The following HYDIN variants were observed in gnomAD, a reference collection of about 807,000 sequenced individuals.
HYDIN encodes the protein axonemal central pair apparatus protein HYDIN.
In HYDIN, 132 loss-of-function variants were observed where a neutral mutation model predicts 403.9. That is an observed-to-expected ratio of 0.33 (90% CI 0.28 to 0.38). The LOEUF (loss-of-function observed/expected upper bound fraction) is 0.38. Among genes scored for constraint, HYDIN ranks in the 10% least tolerant of loss-of-function variants. The pLI is 1.00. For missense variants in HYDIN, 2,827 were observed against 5,009.5 expected (o/e 0.56, Z 13.15); for synonymous variants, 1,202 against 1,891.7 (o/e 0.64, Z 9.46).
chr16:70,820,742 G>T, intron 83 of HYDIN, among the ~76,000 whole-genome samples: 1 of 151,170 alleles, frequency 6.6e-6, no homozygotes, highest in Non-Finnish European at 1.5e-5. Context: ...TCCACCTCCT[G>T]GGTTCAAGTG....
chr16:71,038,033 T>C (rs1402476497), intron 18 of HYDIN, among the ~76,000 whole-genome samples: 1 of 152,220 alleles, frequency 6.6e-6, no homozygotes, highest in Non-Finnish European at 1.5e-5. Flanking sequence ...TCCATGAAAA[T>C]GTCAGCCATA....
chr16:71,225,339 A>G (rs1318234389), intron 1 of HYDIN, among the ~76,000 whole-genome samples: 3 of 152,196 alleles, frequency 2.0e-5, no homozygotes, highest in Non-Finnish European at 4.4e-5. Context: ...AAAAGAAACT[A>G]GCCCTGGCCC....
chr16:71,230,479 AC>A, intron 1 of HYDIN, 82 bp downstream of exon 1: 1 of 1,433,602 alleles, frequency 7.0e-7, no homozygotes, highest in Non-Finnish European at 9.2e-7. Flanking sequence ...CAGGGCGAGG[AC>A]GAGGACGAAA....
chr16:70,889,835 C>T (rs77096391), intron 57 of HYDIN, 131 bp from the exon 58 acceptor site: 38,029 of 688,900 alleles, frequency 0.055, 1,299 homozygotes, highest in Non-Finnish European at 0.07. Context: ...CCCAAGAGGA[C>T]ACTGGAGTGG....
intron 1 of HYDIN, among the ~76,000 whole-genome samples, chr16:71,191,437 T>A (rs555763721): frequency 2.3e-4 from 35 of 152,266 alleles, no homozygotes; most frequent in Non-Finnish European, 4.3e-4. Context: ...GTAACAAACC[T>A]GTGTATCCTG....
At chr16:71,038,611 G>A (rs2081177851) in intron 18 of HYDIN, among the ~76,000 whole-genome samples, 2 of 152,102 alleles carry the variant, frequency 1.3e-5, no homozygotes. Context: ...CAGATGACCG[G>A]CACTATGTGG....
intron 53 of HYDIN, among the ~76,000 whole-genome samples, chr16:70,897,546 T>C (rs991468279): frequency 6.7e-6 from 1 of 149,080 alleles, no homozygotes; most frequent in African/African-American, 2.6e-5. Flanking sequence ...TGACAGGATG[T>C]GTGTAGTGCC....
intron 10 of HYDIN, among the ~76,000 whole-genome samples, chr16:71,097,587 T>C (rs2083311064): frequency 6.8e-6 from 1 of 147,822 alleles, no homozygotes; most frequent in South Asian, 2.2e-4. Flanking sequence ...GTGACAGCTA[T>C]AGCCATACTG....
chr16:71,004,118 C>A (rs955498905), intron 23 of HYDIN, among the ~76,000 whole-genome samples: 4 of 151,678 alleles, frequency 2.6e-5, no homozygotes, highest in Non-Finnish European at 5.9e-5. Flanking sequence ...AGTTCAGGAC[C>A]AGCCTGACCA....
intron 83 of HYDIN, among the ~76,000 whole-genome samples, chr16:70,820,191 T>C (rs896937074): frequency 6.3e-5 from 8 of 126,584 alleles, no homozygotes; most frequent in East Asian, 4.5e-4. Flanking sequence ...TTTTTTCTTT[T>C]TTTTTTTTTT....
chr16:70,955,737 G>C (rs1733971092), intron 39 of HYDIN, among the ~76,000 whole-genome samples, 189 bp from the exon 40 acceptor site: 1 of 152,162 alleles, frequency 6.6e-6, no homozygotes, highest in Admixed American at 6.5e-5. Flanking sequence ...CTGTGGGTCT[G>C]ATTCTAACCC....
intron 12 of HYDIN, among the ~76,000 whole-genome samples, chr16:71,083,143 GT>G (rs1335111722): frequency 1.4e-5 from 2 of 140,294 alleles, no homozygotes; most frequent in Non-Finnish European, 3.1e-5. Context: ...TGTTTTCAAG[GT>G]TCATAATGGA....
At chr16:71,020,435 T>G (rs1308123219) in intron 21 of HYDIN, 118 bp from the exon 22 acceptor site, 2 of 1,335,914 alleles carry the variant, frequency 1.5e-6, no homozygotes, top group Admixed American at 5.1e-5. Context: ...TTTCTTTGTG[T>G]GTGTGTGTGT....
At chr16:71,206,992 G>T (rs1441070285) in intron 1 of HYDIN, among the ~76,000 whole-genome samples, 1 of 152,180 alleles carries the variant, frequency 6.6e-6, no homozygotes, top group Non-Finnish European at 1.5e-5. Flanking sequence ...AAGCAACCTG[G>T]AAAATGTGTT....
rs541754291 is a variant in HYDIN, at chr16:71,016,876, T to C, written c.3644+1253A>G. Among the ~76,000 whole-genome samples, 6 of 152,242 alleles carry C rather than the reference T, an allele frequency of 3.9e-5. No individual in the cohort carries two copies. The East Asian group carries it at 1.2e-3, about 30-fold the overall frequency. On this transcript the variant is annotated intron_variant, in intron 23 of 85. Transcript: ENST00000393567. ...ATGAAATAAGCCAGTCACGGGAAGA[T>C]ACTGCATGACGTGGTTTGGCTCTCT...
chr16:70,850,488 A>G lies in HYDIN; in HGVS notation c.12611T>C (p.Leu4204Pro), dbSNP rs771794896. 2 of 1,597,424 alleles carry G rather than the reference A, an allele frequency of 1.3e-6. No individual in the cohort carries two copies. Among genetic ancestry groups the G allele is most frequent in the South Asian group, 2.2e-5 (2 of 89,814 alleles). ...KCKDRTGSIT[L>P]LTPNQTNIIN... ...GATGTTAGTCTGGTTGGGAGTCAACAGAGTGATGGAGCCTGTCCTGTCCTT... is the reference window on the plus strand; with the variant it reads ...GATGTTAGTCTGGTTGGGAGTCAACGGAGTGATGGAGCCTGTCCTGTCCTT... Residue 4204 changes from leucine to proline, a missense_variant, in exon 74 of 86, where the codon CTG becomes CCG. Coordinates refer to ENST00000393567, the MANE Select transcript of HYDIN (RefSeq NM_001270974.2).
rs1439875236 is a variant in HYDIN, at chr16:70,849,720, A to C, written c.12873+6T>G. Reference sequence around the variant, plus strand: ...TTGGAGTTTGGACAATGTTAAATGGACTCACCTTGATTATGAGTTCCAGGT... The same window carrying C: ...TTGGAGTTTGGACAATGTTAAATGGCCTCACCTTGATTATGAGTTCCAGGT... On this transcript the variant is annotated splice_donor_region_variant and intron_variant, in intron 75 of 85. Coordinates refer to ENST00000393567, the MANE Select transcript of HYDIN (RefSeq NM_001270974.2). 3 of 754,312 alleles carry C rather than the reference A, an allele frequency of 4.0e-6. No homozygotes were observed. The South Asian group carries it at 5.3e-5, about 13-fold the overall frequency. The allele number at this position is 754,312 out of a possible 1,614,324, so 46.7% of individuals were successfully genotyped here.
At chr16:71,145,523 G>A (rs1369343641) in intron 7 of HYDIN, among the ~76,000 whole-genome samples, 3 of 152,100 alleles carry the variant, frequency 2.0e-5, no homozygotes, top group Non-Finnish European at 4.4e-5. Flanking sequence ...GATTACAGGC[G>A]TGAGTCACCA....
Position 70,921,122 on chromosome 16 carries a change from A to G in HYDIN, c.7254T>C (p.Asn2418=). 6.5e-7 allele frequency: 1 copy of G among 1,539,440 alleles called. No homozygotes were observed. Among genetic ancestry groups the G allele is most frequent in the East Asian group, 2.2e-5 (1 of 44,514 alleles). ...CATCGCCCATGTTCCTTTTCTTCTTATTTAGCTCTTCCTTCTCAGACATTG... is the reference window on the plus strand; with the variant it reads ...CATCGCCCATGTTCCTTTTCTTCTTGTTTAGCTCTTCCTTCTCAGACATTG... ...EQTMSEKEEL[N]KKKRNMGDVS... The change falls in exon 46 of 86, where the codon AAT becomes AAC. Residue 2418 remains asparagine (N), a synonymous_variant. Transcript: ENST00000393567.
Sources: gnomAD v4.1 joint callset for allele counts (sites outside exome capture counted in the v4.1 genomes callset) on GRCh38, gnomAD v4.1.1 for gene constraint, MANE v1.5 for transcripts, NCBI Gene and HGNC (gene_info 2026-07-23, HGNC 2026-07-21) for gene names.